Variants in FAT2 observed in about 807,000 individuals in gnomAD.
FAT2 encodes protocadherin Fat 2.
Under a neutral mutation model 295.3 loss-of-function variants are expected in FAT2, and 150 were observed. The observed-to-expected ratio is 0.51, with a 90% confidence interval of 0.44 to 0.58. FAT2 has a LOEUF of 0.58. Ranked by LOEUF, FAT2 falls within the 20% of genes least tolerant of loss-of-function variation. FAT2 has a pLI of 0.00. For synonymous variants in FAT2, 2,026 were observed against 2,150.3 expected, an observed-to-expected ratio of 0.94 and a Z score of 1.60; for missense variants, 4,868 against 5,442.7, an observed-to-expected ratio of 0.89 and a Z score of 3.32.
At chr5:151,548,091 C>G (rs941098711) in intron 9 of FAT2, among the ~76,000 whole-genome samples, 1 of 152,110 alleles carries the variant, frequency 6.6e-6, no homozygotes, top group African/African-American at 2.4e-5. Context: ...AATCCATATT[C>G]TTCTTCAGCG....
rs9324699 is a variant in FAT2 at position 151,565,511 on chromosome 5, C to A, written c.3259+162G>T. 0.48 allele frequency among the ~76,000 whole-genome samples: 73,642 copies of A among 151,844 alleles called. 18,054 individuals are homozygous for A. Among genetic ancestry groups the A allele is most frequent in the Non-Finnish European group, 0.53 (35,834 of 67,946 alleles). ...TATAGACATATATTCCCAGTAAAAA[C>A]AAATTAAAAATAAAATACACAGGAA... is the stretch of plus-strand genomic sequence containing the variant. On this transcript the variant is annotated intron_variant, in intron 2 of 23. Coordinates refer to ENST00000261800, the MANE Select transcript of FAT2 (RefSeq NM_001447.3).
rs2127570874 is a variant in FAT2, at chr5:151,512,541, G to A, written c.11529C>T (p.Ser3843=). 1 of 1,614,160 alleles carries A rather than the reference G, an allele frequency of 6.2e-7. No individual in the cohort carries two copies. Among genetic ancestry groups the A allele is most frequent in the East Asian group, 2.2e-5 (1 of 44,878 alleles). ...CLGGFYGNLS[S]QRHVNDHEWH... is the part of the protein sequence containing the mutation. ...ACTCGTGGTCATTCACATGGCGCTG[G>A]GAGGAAAGGTTTCCATAGAAACCAC... Residue 3843 remains serine, a synonymous_variant, in exon 21 of 24, where the codon TCC becomes TCT. Coordinates refer to ENST00000261800, the MANE Select transcript of FAT2 (RefSeq NM_001447.3). This position sits in a 1 kb window ranked among gnomAD's most constrained non-coding sequence, Gnocchi z 4.1.
intron 1 of FAT2, among the ~76,000 whole-genome samples, chr5:151,574,835 C>CCAAT (rs1554134870): frequency 6.6e-6 from 1 of 151,858 alleles, no homozygotes; most frequent in East Asian, 1.9e-4. Flanking sequence ...TATAACAAAA[C>CCAAT]AACTGGATGT....
At position 151,505,816 on chromosome 5, in the gene FAT2, A is replaced by T. The variant is rs529089589; in HGVS notation, c.12799T>A (p.Cys4267Ser). 1 of 1,613,278 alleles carries T rather than the reference A, an allele frequency of 6.2e-7. No individual in the cohort carries two copies. The highest frequency in any genetic ancestry group is 8.5e-7 in the Non-Finnish European group (1 of 1,179,634). ...PSPRERLVAP[C>S]LNEYTAISYY... ...CTGATGGCCGTGTACTCATTGAGAC[A>T]GGGGGCAACCAGGCGCTCCCGGGGA... is the stretch of plus-strand genomic sequence containing the variant. Residue 4267 changes from cysteine (C) to serine (S), a missense_variant, in exon 24 of 24, where the codon TGT (cysteine) becomes AGT (serine). By Grantham distance (112) the Cys-to-Ser change is moderately radical (BLOSUM62 -1). Transcript: ENST00000261800.
In FAT2 at chr5:151,521,275, C is replaced by T; in HGVS notation, c.11317+1G>A. On this transcript the variant is annotated splice_donor_variant, in intron 19 of 23. Transcript: ENST00000261800. LOFTEE classifies it high-confidence loss of function. ...GTCCCTAGGGAAGATGTAGTACTTA[C>T]CATTGCAGGAGCAGCTCCTCTGCAG... 1 of 1,602,554 alleles carries T rather than the reference C, an allele frequency of 6.2e-7. No homozygotes were observed.
At chr5:151,573,770 C>G (rs1046064262) in intron 1 of FAT2, among the ~76,000 whole-genome samples, 7 of 152,200 alleles carry the variant, frequency 4.6e-5, no homozygotes, top group African/African-American at 1.7e-4. Context: ...GGCTGTGATT[C>G]AGTTCACCCT....
At chr5:151,528,283 CTT>C (rs1395935620) in intron 15 of FAT2, 150 bp from the exon 16 acceptor site, 9 of 849,656 alleles carry the variant, frequency 1.1e-5, no homozygotes, top group Admixed American at 2.7e-5. Context: ...AATCTCTTCA[CTT>C]ACATCCTCGT....
intron 9 of FAT2, among the ~76,000 whole-genome samples, chr5:151,548,789 T>A (rs1280000321): frequency 6.6e-6 from 1 of 152,184 alleles, no homozygotes; most frequent in Non-Finnish European, 1.5e-5. Flanking sequence ...CCAACATACA[T>A]TTTCTCTTTT....
At chr5:151,526,554 C>G (rs1754000997) in intron 17 of FAT2, among the ~76,000 whole-genome samples, 1 of 152,330 alleles carries the variant, frequency 6.6e-6, no homozygotes, top group South Asian at 2.1e-4. Flanking sequence ...ATCTAATGGG[C>G]AGAAACTGAT....
rs938896950 is a variant in FAT2, at chr5:151,531,099, G to A, written c.9811+488C>T. Reference sequence around the variant, plus strand: ...GTGGCTAGTAGGAAAGAAGTGAGACGGTTTCCTAGTTCTCTCTCTCTTCAA... The same window carrying A: ...GTGGCTAGTAGGAAAGAAGTGAGACAGTTTCCTAGTTCTCTCTCTCTTCAA... On this transcript the variant is annotated intron_variant, in intron 14 of 23. Coordinates refer to ENST00000261800, the MANE Select transcript of FAT2 (RefSeq NM_001447.3). The surrounding 1 kb of genome is among the most constrained non-coding windows in gnomAD (Gnocchi z 5.7). Among the ~76,000 whole-genome samples, 2 of 152,020 alleles carry A rather than the reference G, an allele frequency of 1.3e-5. No homozygotes were observed. Among genetic ancestry groups the A allele is most frequent in the African/African-American group, 2.4e-5 (1 of 41,388 alleles).
At position 151,507,232 on chromosome 5, in the gene FAT2, TG is replaced by T. The variant is rs2127564208; in HGVS notation, c.12438del (p.Arg4147AspfsTer52). ...KQRPVVCSVP[P>X]RLPPAAVPSH... ...GAAGGGACCGCAGCTGGCGGGAGTC[TG>T]GGGGGCACACTGCAGACCACTGGCC... On this transcript the variant is annotated frameshift_variant, in exon 23 of 24. Coordinates refer to ENST00000261800, the MANE Select transcript of FAT2 (RefSeq NM_001447.3). LOFTEE classifies it high-confidence loss of function. 6.2e-7 allele frequency: 1 copy of T among 1,613,790 alleles called. No homozygotes were observed. The highest frequency in any genetic ancestry group is 1.1e-5 in the South Asian group (1 of 91,066).
At position 151,531,633 on chromosome 5, in the gene FAT2, C is replaced by A. The variant is rs557781222; in HGVS notation, c.9765G>T (p.Val3255=). The change falls in exon 14 of 24, where the codon GTG becomes GTT. Residue 3255 remains valine (V), a synonymous_variant. Coordinates refer to ENST00000261800, the MANE Select transcript of FAT2 (RefSeq NM_001447.3). The surrounding 1 kb of genome is among the most constrained non-coding windows in gnomAD (Gnocchi z 5.7). ...RPGAEKTGYR[V]VSGNEQGRFR... is the part of the protein sequence containing the mutation. ...ACCTGCCTTGCTCGTTCCCGCTGAC[C>A]ACGCGGTAGCCGGTCTTCTCTGCGC... The A allele has an allele frequency of 7.3e-5, 118 of 1,613,536 alleles. No individual in the cohort carries two copies. The South Asian group carries it at 1.1e-3, about 15-fold the overall frequency.
At position 151,545,519 on chromosome 5, in the gene FAT2, G is replaced by A. The variant is rs2127612336; in HGVS notation, c.5608C>T (p.Pro1870Ser). 6.2e-7 allele frequency: 1 copy of A among 1,614,210 alleles called. No individual in the cohort carries two copies. Among genetic ancestry groups the A allele is most frequent in the South Asian group, 1.1e-5 (1 of 91,080 alleles). ...TCATATATCTGTTCTGAGAATCTGGGAGGGGAATCATTCACATCTCTGACA... is the reference window on the plus strand; with the variant it reads ...TCATATATCTGTTCTGAGAATCTGGAAGGGGAATCATTCACATCTCTGACA... ...IHVRDVNDSP[P>S]RFSEQIYEVA... The change falls in exon 10 of 24, where the codon CCC becomes TCC. Residue 1870 changes from proline (P) to serine (S), a missense_variant. Transcript: ENST00000261800.
intron 19 of FAT2, among the ~76,000 whole-genome samples, chr5:151,518,374 A>AATTATTATTATT (rs1554124017): frequency 2.7e-5 from 4 of 147,396 alleles, no homozygotes; most frequent in African/African-American, 9.9e-5. Context: ...TAATAATAAT[A>AATTATTATTATT]ATTTTTAAAA....
chr5:151,506,562 C>T (rs1290415210), intron 23 of FAT2, among the ~76,000 whole-genome samples: 1 of 152,224 alleles, frequency 6.6e-6, no homozygotes, highest in Non-Finnish European at 1.5e-5. Flanking sequence ...GGTCCTAGCC[C>T]TGCCTCTGCT....
intron 20 of FAT2, among the ~76,000 whole-genome samples, chr5:151,515,392 G>A (rs1051061423): frequency 6.6e-6 from 1 of 152,104 alleles, no homozygotes; most frequent in Non-Finnish European, 1.5e-5. Context: ...ATGGCTTTCA[G>A]TACCACGTAT....
intron 1 of FAT2, among the ~76,000 whole-genome samples, chr5:151,569,496 A>G (rs1218280587): frequency 1.3e-5 from 2 of 152,166 alleles, no homozygotes; most frequent in Non-Finnish European, 2.9e-5. Context: ...GCCACAATTC[A>G]AGATGAGATT....
intron 1 of FAT2, among the ~76,000 whole-genome samples, chr5:151,569,191 C>G (rs1449002280): frequency 6.6e-6 from 1 of 152,120 alleles, no homozygotes; most frequent in Admixed American, 6.5e-5. Context: ...AGTTCTCACA[C>G]TGAGAATAAA....
chr5:151,553,505 C>G, intron 5 of FAT2, 118 bp from the exon 6 acceptor site: 2 of 854,310 alleles, frequency 2.3e-6, no homozygotes, highest in Non-Finnish European at 3.8e-6. Context: ...CTCATCCAGT[C>G]ATTCATTCAT....
Sources: allele counts gnomAD v4.1 joint callset (sites outside exome capture counted in the v4.1 genomes callset), GRCh38; gene constraint gnomAD v4.1.1; non-coding constraint Gnocchi (gnomAD v3.1); transcripts MANE v1.5; gene names NCBI Gene and HGNC (gene_info 2026-07-23, HGNC 2026-07-21).